The following CADM2 variants were observed in gnomAD, a reference collection of about 807,000 sequenced individuals.
The protein encoded by CADM2 is cell adhesion molecule 2.
A neutral mutation model predicts 49.8 loss-of-function variants in CADM2; 12 were observed. That is an observed-to-expected ratio of 0.24 (90% confidence interval 0.15 to 0.39). The LOEUF (loss-of-function observed/expected upper bound fraction) is 0.39. Among genes scored for constraint, CADM2 ranks in the 10% least tolerant of loss-of-function variants. The probability of loss-of-function intolerance (pLI) is 1.00; values close to 1 mark genes in which losing one functional copy is unlikely to be tolerated. For missense variants in CADM2, 378 were observed against 492.3 expected, an observed-to-expected ratio of 0.77 and a Z score of 2.20; for synonymous variants, 214 against 175.4, an observed-to-expected ratio of 1.22 and a Z score of -1.74.
chr3:85,376,079 T>A, intron 1 of CADM2, among the ~76,000 whole-genome samples: 1 of 152,124 alleles, frequency 6.6e-6, no homozygotes, highest in East Asian at 1.9e-4. Context: ...ATTTAACAGA[T>A]AATAAAACTA....
At chr3:85,084,818 C>T (rs764024543) in intron 1 of CADM2, among the ~76,000 whole-genome samples, 2 of 152,048 alleles carry the variant, frequency 1.3e-5, no homozygotes, top group Non-Finnish European at 2.9e-5. Context: ...GTATAAATTT[C>T]AATATTAGGT....
intron 1 of CADM2, among the ~76,000 whole-genome samples, chr3:85,018,361 A>G (rs574733090): frequency 6.6e-6 from 1 of 152,026 alleles, no homozygotes; most frequent in Non-Finnish European, 1.5e-5. Context: ...GAGGCTTAAA[A>G]CTGTGAGTTT....
intron 3 of CADM2, among the ~76,000 whole-genome samples, chr3:85,867,247 G>A (rs1419904968): frequency 6.6e-6 from 1 of 151,998 alleles, no homozygotes; most frequent in Non-Finnish European, 1.5e-5. Context: ...TGAGATAGAA[G>A]ATAAACAACA....
chr3:85,749,018 A>G (rs993110317), intron 2 of CADM2, among the ~76,000 whole-genome samples: 7 of 152,108 alleles, frequency 4.6e-5, no homozygotes, highest in Non-Finnish European at 7.4e-5. Flanking sequence ...TATAGCTTCA[A>G]CTGTGCTTAT....
At chr3:85,530,341 T>TGAGACTGAG (rs2061273492) in intron 1 of CADM2, among the ~76,000 whole-genome samples, 3 of 118,446 alleles carry the variant, frequency 2.5e-5, no homozygotes, top group African/African-American at 2.9e-5. Context: ...TTTTTTTTTT[T>TGAGACTGAG]TTTTTTTGAG....
chr3:85,849,220 A>G (rs532890740), intron 3 of CADM2, among the ~76,000 whole-genome samples: 1 of 152,364 alleles, frequency 6.6e-6, no homozygotes, highest in African/African-American at 2.4e-5. Flanking sequence ...TGGCCAGTTC[A>G]CTGATTACTG....
chr3:85,014,788 A>C (rs990828408), intron 1 of CADM2, among the ~76,000 whole-genome samples: 1 of 152,144 alleles, frequency 6.6e-6, no homozygotes, highest in African/African-American at 2.4e-5. Context: ...CTTGTCTTTT[A>C]ATCTAGGAAA....
chr3:85,742,321 G>A (rs2068426340), intron 2 of CADM2, among the ~76,000 whole-genome samples: 1 of 152,118 alleles, frequency 6.6e-6, no homozygotes, highest in Admixed American at 6.6e-5. Flanking sequence ...ATACATACAT[G>A]TCTTTCTACC....
intron 8 of CADM2, among the ~76,000 whole-genome samples, chr3:86,041,668 A>G (rs531290228): frequency 2.0e-5 from 3 of 152,294 alleles, no homozygotes; most frequent in East Asian, 3.9e-4. Context: ...CATTAGACAG[A>G]TCAACAGACA....
intron 1 of CADM2, among the ~76,000 whole-genome samples, chr3:85,160,892 A>C (rs1233622196): frequency 6.6e-6 from 1 of 152,174 alleles, no homozygotes; most frequent in African/African-American, 2.4e-5. Flanking sequence ...AAAATTATTG[A>C]ATCATTTGTA....
intron 1 of CADM2, among the ~76,000 whole-genome samples, chr3:85,612,022 G>C (rs2063694369): frequency 6.6e-6 from 1 of 151,752 alleles, no homozygotes; most frequent in South Asian, 2.1e-4. Flanking sequence ...AAGGTGAATA[G>C]ATATTTAGGT....
chr3:85,099,320 T>C (rs189426165), intron 1 of CADM2, among the ~76,000 whole-genome samples: 1 of 152,152 alleles, frequency 6.6e-6, no homozygotes, highest in Admixed American at 6.5e-5. Context: ...TGGCATAAGA[T>C]TGAAAACTCC....
intron 8 of CADM2, among the ~76,000 whole-genome samples, chr3:86,010,629 G>A (rs1208779326): frequency 6.6e-6 from 1 of 150,594 alleles, no homozygotes; most frequent in Non-Finnish European, 1.5e-5. Context: ...TTTCACTGGT[G>A]CAAATAAATA....
chr3:85,618,771 A>G (rs1249764196), intron 1 of CADM2, among the ~76,000 whole-genome samples: 1 of 152,158 alleles, frequency 6.6e-6, no homozygotes, highest in African/African-American at 2.4e-5. Context: ...TTTAAATTCT[A>G]CTGATCAAAA....
At position 85,779,986 on chromosome 3, in the gene CADM2, A is replaced by G. The variant is rs188097558; in HGVS notation, c.89-22061A>G. ...GGACTAAGTAACATCTAGTGGTCCA[A>G]TTGGAGTTGATCAATATGATAAAGA... On this transcript the variant is annotated intron_variant, in intron 2 of 9. Coordinates refer to ENST00000383699, the MANE Select transcript of CADM2 (RefSeq NM_001167675.2). 3.3e-3 allele frequency among the ~76,000 whole-genome samples: 502 copies of G among 152,278 alleles called. 1 individual carries two copies. Among genetic ancestry groups the G allele is most frequent in the Non-Finnish European group, 5.3e-3 (358 of 68,028 alleles).
chr3:85,669,271 GCA>G (rs1435129654), intron 1 of CADM2, among the ~76,000 whole-genome samples: 2 of 152,074 alleles, frequency 1.3e-5, no homozygotes, highest in African/African-American at 4.8e-5. Flanking sequence ...GCAGCAGAAA[GCA>G]CATTCTTTCC....
At chr3:85,947,923 G>C (rs1045928804) in intron 7 of CADM2, among the ~76,000 whole-genome samples, 1 of 151,354 alleles carries the variant, frequency 6.6e-6, no homozygotes, top group African/African-American at 2.4e-5. Flanking sequence ...CAGTTTTCTT[G>C]CAACAAAAAG....
chr3:85,965,664 G>T (rs1725385885), intron 8 of CADM2, among the ~76,000 whole-genome samples: 1 of 151,560 alleles, frequency 6.6e-6, no homozygotes, highest in South Asian at 2.1e-4. Context: ...CAAGACATAA[G>T]TTATAGTCAC....
intron 1 of CADM2, among the ~76,000 whole-genome samples, chr3:85,367,054 AAAGAAT>A (rs1242022832): frequency 6.6e-6 from 1 of 152,072 alleles, no homozygotes; most frequent in African/African-American, 2.4e-5. Context: ...TTTCTGTGTC[AAAGAAT>A]AAAAACATAC....
Sources: gnomAD v4.1 joint callset for allele counts (sites outside exome capture counted in the v4.1 genomes callset) on GRCh38, gnomAD v4.1.1 for gene constraint, MANE v1.5 for transcripts, NCBI Gene and HGNC (gene_info 2026-07-23, HGNC 2026-07-21) for gene names.